Variants in ARFIP1 observed in about 807,000 individuals in gnomAD.
The protein encoded by ARFIP1 is ARF interacting protein 1, also known as arfaptin-1.
ARFIP1 carries 24 observed loss-of-function variants against 42.5 expected under a neutral mutation model. The observed-to-expected ratio is 0.57, with a 90% CI of 0.41 to 0.80. ARFIP1 has a LOEUF of 0.80. Ranked by LOEUF, ARFIP1 falls within the 30% of genes least tolerant of loss-of-function variation. The pLI, the probability that ARFIP1 is intolerant of heterozygous loss-of-function variation, is 0.00. For synonymous variants in ARFIP1, 141 were observed against 153.7 expected, an observed-to-expected ratio of 0.92 and a Z score of 0.61; for missense variants, 354 against 434.0, an observed-to-expected ratio of 0.82 and a Z score of 1.64.
intron 8 of ARFIP1, among the ~76,000 whole-genome samples, chr4:152,899,534 A>G (rs530536966): frequency 6.6e-6 from 1 of 152,270 alleles, no homozygotes; most frequent in East Asian, 1.9e-4. Context: ...ACCCTTTTGT[A>G]CCTAAATTGA....
At chr4:152,894,238 T>C (rs941272710) in intron 8 of ARFIP1, among the ~76,000 whole-genome samples, 3 of 150,644 alleles carry the variant, frequency 2.0e-5, no homozygotes, top group Non-Finnish European at 4.4e-5. Context: ...AAAAAAATGC[T>C]CAAAGCCTAG....
intron 2 of ARFIP1, among the ~76,000 whole-genome samples, chr4:152,838,320 G>A (rs770370703): frequency 2.0e-5 from 3 of 152,080 alleles, no homozygotes; most frequent in Admixed American, 2.0e-4. Context: ...AATGATGGTG[G>A]CATTTTGATG....
At chr4:152,806,496 T>G (rs1287585240) in intron 1 of ARFIP1, among the ~76,000 whole-genome samples, 2 of 152,176 alleles carry the variant, frequency 1.3e-5, no homozygotes, top group African/African-American at 4.8e-5. Context: ...TAAAATGTAA[T>G]TTTTACCTTT....
chr4:152,826,734 T>A (rs1730869657), intron 1 of ARFIP1, among the ~76,000 whole-genome samples: 1 of 152,208 alleles, frequency 6.6e-6, no homozygotes, highest in South Asian at 2.1e-4. Context: ...TGCACACCCA[T>A]GTTTGTAGCA....
At chr4:152,788,259 A>G (rs1399821248) in intron 1 of ARFIP1, among the ~76,000 whole-genome samples, 5 of 152,216 alleles carry the variant, frequency 3.3e-5, no homozygotes, top group Non-Finnish European at 5.9e-5. Context: ...TAGTAGCTAT[A>G]TAAAATATAG....
chr4:152,824,729 C>A (rs1163029457), intron 1 of ARFIP1, among the ~76,000 whole-genome samples: 1 of 152,104 alleles, frequency 6.6e-6, no homozygotes, highest in African/African-American at 2.4e-5. Flanking sequence ...AAAGGGCATC[C>A]AAATTGGAAA....
intron 8 of ARFIP1, among the ~76,000 whole-genome samples, chr4:152,903,224 A>G (rs1387185993): frequency 6.6e-6 from 1 of 152,240 alleles, no homozygotes; most frequent in Non-Finnish European, 1.5e-5. Flanking sequence ...TTTAGTTGAA[A>G]AAGAATGTTC....
intron 8 of ARFIP1, among the ~76,000 whole-genome samples, chr4:152,899,537 T>A (rs62319955): frequency 6.6e-6 from 1 of 152,226 alleles, no homozygotes; most frequent in Non-Finnish European, 1.5e-5. Context: ...CTTTTGTACC[T>A]AAATTGATTT....
intron 8 of ARFIP1, among the ~76,000 whole-genome samples, chr4:152,892,818 A>G (rs540794297): frequency 6.6e-6 from 1 of 152,328 alleles, no homozygotes; most frequent in African/African-American, 2.4e-5. Context: ...AACCTAAACA[A>G]TCCTTATTCA....
chr4:152,902,466 C>T (rs1737921378), intron 8 of ARFIP1, among the ~76,000 whole-genome samples: 1 of 152,084 alleles, frequency 6.6e-6, no homozygotes, highest in South Asian at 2.1e-4. Flanking sequence ...TGTGTTGCTG[C>T]ACTCTAGCTT....
intron 5 of ARFIP1, among the ~76,000 whole-genome samples, chr4:152,875,666 A>T (rs911829730): frequency 6.7e-6 from 1 of 150,208 alleles, no homozygotes; most frequent in Admixed American, 6.6e-5. Flanking sequence ...GTATCTGTCA[A>T]TTGTTGCCAT....
At position 152,872,479 on chromosome 4, in the gene ARFIP1, G is replaced by A. The variant is rs1734972632; in HGVS notation, c.326G>A (p.Gly109Glu). The A allele has an allele frequency of 1.9e-6, 3 of 1,610,766 alleles. No individual in the cohort carries two copies. Among genetic ancestry groups the A allele is most frequent in the Admixed American group, 1.7e-5 (1 of 59,478 alleles). ...AGGQRTQTKS[G>E]PVILADEIKN... Reference sequence around the variant, plus strand: ...GGCCAGAGAACACAGACAAAAAGTGGACCAGTTATTCTAGCAGATGAAATT... The same window carrying A: ...GGCCAGAGAACACAGACAAAAAGTGAACCAGTTATTCTAGCAGATGAAATT... Residue 109 changes from glycine (G) to glutamate (E), a missense_variant, in exon 5 of 9, where the codon GGA (glycine) becomes GAA (glutamate). Transcript: ENST00000353617.
intron 2 of ARFIP1, among the ~76,000 whole-genome samples, chr4:152,846,990 T>A (rs1732583762): frequency 6.6e-6 from 1 of 152,002 alleles, no homozygotes; most frequent in Non-Finnish European, 1.5e-5. Flanking sequence ...ACTTCCTTTC[T>A]TAGTCTGTCC....
intron 3 of ARFIP1, among the ~76,000 whole-genome samples, chr4:152,864,197 C>T (rs1216492565): frequency 6.6e-6 from 1 of 152,166 alleles, no homozygotes; most frequent in African/African-American, 2.4e-5. Context: ...CTTTTGACCA[C>T]CTCTCTATCC....
intron 2 of ARFIP1, among the ~76,000 whole-genome samples, chr4:152,840,212 A>G (rs920638640): frequency 1.3e-5 from 2 of 152,192 alleles, no homozygotes; most frequent in Non-Finnish European, 2.9e-5. Flanking sequence ...GTTGAATAGA[A>G]TGTGTATTCT....
chr4:152,848,979 A>G (rs1470299462), intron 2 of ARFIP1, among the ~76,000 whole-genome samples: 2 of 152,206 alleles, frequency 1.3e-5, no homozygotes, highest in African/African-American at 4.8e-5. Context: ...TTTTGACCAA[A>G]TATGTATGTT....
chr4:152,902,018 G>A (rs1267109748), intron 8 of ARFIP1, among the ~76,000 whole-genome samples: 1 of 152,020 alleles, frequency 6.6e-6, no homozygotes, highest in Non-Finnish European at 1.5e-5. Context: ...TGTTTCAAAG[G>A]TTTCTAAAAT....
chr4:152,908,009 T>C (rs544231624), intron 8 of ARFIP1, among the ~76,000 whole-genome samples: 2 of 152,332 alleles, frequency 1.3e-5, no homozygotes, highest in African/African-American at 4.8e-5. Context: ...CAATAGTATA[T>C]AGTTGTTATA....
chr4:152,793,341 T>C (rs972375411), intron 1 of ARFIP1, among the ~76,000 whole-genome samples: 3 of 147,706 alleles, frequency 2.0e-5, no homozygotes, highest in Non-Finnish European at 3.0e-5. Flanking sequence ...TATATATATA[T>C]AATATATATA....
Sources: allele counts gnomAD v4.1 joint callset (sites outside exome capture counted in the v4.1 genomes callset), GRCh38; gene constraint gnomAD v4.1.1; transcripts MANE v1.5; gene names NCBI Gene and HGNC (gene_info 2026-07-23, HGNC 2026-07-21).